The following GRM7 variants were observed in gnomAD, a reference collection of about 807,000 sequenced individuals.
The protein encoded by GRM7 is metabotropic glutamate receptor 7.
Under a neutral mutation model 84.5 loss-of-function variants are expected in GRM7, and 35 were observed. The observed-to-expected ratio is 0.41, with a 90% CI of 0.32 to 0.55. The LOEUF (loss-of-function observed/expected upper bound fraction) is 0.55. Ranked by LOEUF, GRM7 falls within the 20% of genes least tolerant of loss-of-function variation. The pLI, the probability that GRM7 is intolerant of heterozygous loss-of-function variation, is 0.19. For synonymous variants in GRM7, 487 were observed against 455.1 expected (o/e 1.07, Z -0.89); for missense variants, 1,003 against 1,194.6 (o/e 0.84, Z 2.36).
intron 1 of GRM7, among the ~76,000 whole-genome samples, chr3:6,877,369 G>C (rs1271163176): frequency 6.6e-6 from 1 of 152,160 alleles, no homozygotes; most frequent in Non-Finnish European, 1.5e-5. Context: ...TGTTGACTGG[G>C]ATTGATGATA....
At chr3:7,369,544 G>A (rs1694047717) in intron 4 of GRM7, among the ~76,000 whole-genome samples, 2 of 152,098 alleles carry the variant, frequency 1.3e-5, no homozygotes, top group South Asian at 4.1e-4. Context: ...AGACATGTCT[G>A]TAGCTAAAAC....
chr3:7,509,409 G>A (rs189307312), intron 7 of GRM7, among the ~76,000 whole-genome samples: 7 of 152,176 alleles, frequency 4.6e-5, no homozygotes, highest in East Asian at 1.9e-4. Flanking sequence ...GGAATCTAAC[G>A]GGGCTACATA....
At chr3:7,691,297 A>AAACAT in intron 9 of GRM7, 1 of 1,272,262 alleles carries the variant, frequency 7.9e-7, no homozygotes, top group Non-Finnish European at 1.0e-6. Context: ...ACACTTAGGA[A>AAACAT]AACATGACAT....
chr3:7,625,066 C>T (rs1697542778), intron 8 of GRM7, among the ~76,000 whole-genome samples: 1 of 152,164 alleles, frequency 6.6e-6, no homozygotes, highest in Admixed American at 6.5e-5. Flanking sequence ...CCCAAGACTT[C>T]TCACCTCCAG....
chr3:7,640,747 T>C (rs1279051138), intron 8 of GRM7, among the ~76,000 whole-genome samples: 3 of 152,186 alleles, frequency 2.0e-5, no homozygotes, highest in African/African-American at 4.8e-5. Context: ...TGGAAAACTA[T>C]AAAAATTATG....
Position 6,996,057 on chromosome 3 carries a change from AT to A in GRM7, c.519+134159del, listed in dbSNP as rs60520890. On this transcript the variant is annotated intron_variant, in intron 1 of 9. Transcript: ENST00000357716. ...TTCTGTGTTTATAATTCTACAATAT[AT>A]TTTTTTTTGAGACAAAGTCTTGCTC... Among the ~76,000 whole-genome samples, 27 of 151,264 alleles carry A rather than the reference AT, an allele frequency of 1.8e-4. No individual in the cohort carries two copies. In the East Asian group the frequency reaches 2.0e-3, roughly 11 times the overall value.
At chr3:7,260,673 TTGTGTGTG>T (rs71063292) in intron 2 of GRM7, among the ~76,000 whole-genome samples, 5 of 144,526 alleles carry the variant, frequency 3.5e-5, no homozygotes, top group African/African-American at 7.6e-5. Flanking sequence ...TTCTTTTGAA[TTGTGTGTG>T]TGTGTGTGTG....
intron 1 of GRM7, among the ~76,000 whole-genome samples, chr3:7,123,797 T>G (rs2125046234): frequency 6.6e-6 from 1 of 152,314 alleles, no homozygotes; most frequent in African/African-American, 2.4e-5. Flanking sequence ...ATAAATATGC[T>G]TGTGTGAAAT....
chr3:7,353,214 A>G (rs1693237823), intron 4 of GRM7, among the ~76,000 whole-genome samples: 1 of 152,088 alleles, frequency 6.6e-6, no homozygotes, highest in Admixed American at 6.6e-5. Flanking sequence ...GTAAGGTACC[A>G]AGAGTGACTC....
intron 5 of GRM7, among the ~76,000 whole-genome samples, chr3:7,451,007 T>A (rs945003669): frequency 6.6e-6 from 1 of 152,180 alleles, no homozygotes; most frequent in African/African-American, 2.4e-5. Context: ...CCTTTGTGTG[T>A]TTTGCAGGAA....
chr3:7,132,423 T>G, intron 1 of GRM7, among the ~76,000 whole-genome samples: 1 of 152,130 alleles, frequency 6.6e-6, no homozygotes, highest in East Asian at 1.9e-4. Context: ...GTGCCTCAAA[T>G]ATACAAATTT....
intron 2 of GRM7, among the ~76,000 whole-genome samples, chr3:7,279,010 A>G (rs1156773566): frequency 1.3e-5 from 2 of 152,224 alleles, no homozygotes; most frequent in African/African-American, 4.8e-5. Flanking sequence ...TTCAACCTTG[A>G]GAATTTATGA....
At chr3:7,352,818 G>A (rs2125093747) in intron 4 of GRM7, among the ~76,000 whole-genome samples, 1 of 152,072 alleles carries the variant, frequency 6.6e-6, no homozygotes, top group African/African-American at 2.4e-5. Flanking sequence ...TTAACTTTGT[G>A]TTGCCTGAAG....
At chr3:7,268,295 T>TA (rs149310773) in intron 2 of GRM7, among the ~76,000 whole-genome samples, 66,807 of 146,254 alleles carry the variant, frequency 0.46, 15,391 homozygotes, top group African/African-American at 0.56. Flanking sequence ...ACAAAAAACT[T>TA]AAAAAAAAAA....
At chr3:7,514,741 G>A (rs1700318204) in intron 7 of GRM7, among the ~76,000 whole-genome samples, 1 of 152,174 alleles carries the variant, frequency 6.6e-6, no homozygotes, top group Non-Finnish European at 1.5e-5. Flanking sequence ...AATGCGTGGT[G>A]CAATATAAAT....
At chr3:7,656,979 C>T (rs542056897) in intron 8 of GRM7, among the ~76,000 whole-genome samples, 21 of 152,250 alleles carry the variant, frequency 1.4e-4, no homozygotes, top group African/African-American at 5.1e-4. Context: ...GAGTGAAGTA[C>T]AAACATATTT....
At chr3:6,877,468 C>A (rs1574957883) in intron 1 of GRM7, among the ~76,000 whole-genome samples, 1 of 152,138 alleles carries the variant, frequency 6.6e-6, no homozygotes. Context: ...GTGTCATCAA[C>A]CTGCAGCTAC....
intron 9 of GRM7, chr3:7,682,178 A>T (rs1700395604): frequency 1.3e-5 from 2 of 152,092 alleles, no homozygotes; most frequent in Non-Finnish European, 2.9e-5. Flanking sequence ...TCTACTAAAA[A>T]TACAAAATTA....
In GRM7 at chr3:6,964,770, A is replaced by G. The variant is rs551237188; in HGVS notation, c.519+102863A>G. Among the ~76,000 whole-genome samples the G allele has an allele frequency of 2.6e-5, 4 of 152,334 alleles. No homozygotes were observed. In the South Asian group the frequency reaches 8.3e-4, roughly 32 times the overall value. ...TTTATTTCTGCTGTCACATCAGCAG[A>G]AAACCAAACTCATGATTGTTCTTTT... On this transcript the variant is annotated intron_variant, in intron 1 of 9. Coordinates refer to ENST00000357716, the MANE Select transcript of GRM7 (RefSeq NM_000844.4).
Sources: gnomAD v4.1 joint callset for allele counts (sites outside exome capture counted in the v4.1 genomes callset) on GRCh38, gnomAD v4.1.1 for gene constraint, MANE v1.5 for transcripts, NCBI Gene and HGNC (gene_info 2026-07-23, HGNC 2026-07-21) for gene names.